The following AUTS2 variants were observed in gnomAD, a reference collection of about 807,000 sequenced individuals.
AUTS2 encodes activator of transcription and developmental regulator AUTS2, also known as autism susceptibility gene 2 protein.
A neutral mutation model predicts 112.4 loss-of-function variants in AUTS2; 17 were observed. That is an observed-to-expected ratio of 0.15 (90% confidence interval 0.10 to 0.23). The LOEUF is 0.23. Among genes scored for constraint, AUTS2 ranks in the 10% least tolerant of loss-of-function variants. AUTS2 has a pLI of 1.00. For missense variants in AUTS2, 1,510 were observed against 1,701.6 expected, an observed-to-expected ratio of 0.89 and a Z score of 1.98; for synonymous variants, 751 against 702.7, an observed-to-expected ratio of 1.07 and a Z score of -1.09.
At chr7:70,525,213 G>A (rs1241009009) in intron 5 of AUTS2, among the ~76,000 whole-genome samples, 1 of 152,162 alleles carries the variant, frequency 6.6e-6, no homozygotes, top group Non-Finnish European at 1.5e-5. Context: ...TTCTGCTAGT[G>A]GAAGATTTTC....
chr7:70,486,856 T>C (rs1169122039), intron 5 of AUTS2, among the ~76,000 whole-genome samples: 1 of 150,980 alleles, frequency 6.6e-6, no homozygotes, highest in Non-Finnish European at 1.5e-5. Flanking sequence ...GTAGTGGTGG[T>C]AGTGGTCCTT....
chr7:69,720,140 A>T lies in AUTS2; in HGVS notation c.309+120178A>T, dbSNP rs1211522034. ...ATGTGTGTAAGAAAATGGAAAGCTG[A>T]TGGGTTGGCTACCTGAACAATTATG... On this transcript the variant is annotated intron_variant, in intron 1 of 18. Coordinates refer to ENST00000342771, the MANE Select transcript of AUTS2 (RefSeq NM_015570.4). 5.3e-5 allele frequency among the ~76,000 whole-genome samples: 8 copies of T among 152,190 alleles called. No homozygotes were observed. The East Asian group carries it at 1.5e-3, about 29-fold the overall frequency.
At chr7:69,805,530 A>G (rs1790263991) in intron 1 of AUTS2, among the ~76,000 whole-genome samples, 1 of 152,234 alleles carries the variant, frequency 6.6e-6, no homozygotes, top group Admixed American at 6.5e-5. Flanking sequence ...TGACTATAAA[A>G]AAGAACCAAA....
chr7:69,741,929 A>G (rs2129248222), intron 1 of AUTS2, among the ~76,000 whole-genome samples: 1 of 151,796 alleles, frequency 6.6e-6, no homozygotes, highest in South Asian at 2.1e-4. Context: ...TTAGCCTCCT[A>G]AGTATTAGGC....
At chr7:69,799,969 G>C (rs1485738047) in intron 1 of AUTS2, among the ~76,000 whole-genome samples, 1 of 152,122 alleles carries the variant, frequency 6.6e-6, no homozygotes, top group African/African-American at 2.4e-5. Context: ...TAAAGATAAT[G>C]AAGAACTAGC....
rs12674198 is a variant in AUTS2 at position 70,580,884 on chromosome 7, C to T, written c.691-117685C>T. ...ATGTATTTAAAGTTTTGTTTGTGTG[C>T]TTGTGCATTTGCCTCAGAAGATGGT... On this transcript the variant is annotated intron_variant, in intron 5 of 18. Coordinates refer to ENST00000342771, the MANE Select transcript of AUTS2 (RefSeq NM_015570.4). 2.7e-3 allele frequency among the ~76,000 whole-genome samples: 416 copies of T among 152,218 alleles called. 18 individuals are homozygous for T. The East Asian group carries it at 0.076, about 28-fold the overall frequency.
At chr7:70,355,070 G>T (rs1450561502) in intron 4 of AUTS2, among the ~76,000 whole-genome samples, 1 of 150,710 alleles carries the variant, frequency 6.6e-6, no homozygotes, top group Non-Finnish European at 1.5e-5. Context: ...GTATGGGTGT[G>T]TGTGTATATA....
Position 70,351,593 on chromosome 7 carries a change from A to G in AUTS2, c.661-84159A>G, listed in dbSNP as rs536321963. 1.8e-4 allele frequency among the ~76,000 whole-genome samples: 28 copies of G among 152,330 alleles called. 1 individual carries two copies. Among genetic ancestry groups the G allele is most frequent in the African/African-American group, 5.3e-4 (22 of 41,576 alleles). On this transcript the variant is annotated intron_variant, in intron 4 of 18. Coordinates refer to ENST00000342771, the MANE Select transcript of AUTS2 (RefSeq NM_015570.4). ...ATTTTTAAATTTTGGTGGGGTCTTC[A>G]TACTGGTTTTCACAATAGCTATACC...
intron 1 of AUTS2, among the ~76,000 whole-genome samples, chr7:69,766,242 C>A (rs77074586): frequency 0.018 from 2,698 of 152,178 alleles, 93 homozygotes; most frequent in African/African-American, 0.062. Flanking sequence ...CTTAACATAC[C>A]CTCAAGGTTC....
intron 1 of AUTS2, among the ~76,000 whole-genome samples, chr7:69,649,304 A>G (rs938276931): frequency 1.3e-5 from 2 of 152,204 alleles, no homozygotes; most frequent in Non-Finnish European, 2.9e-5. Context: ...GCATCCAGCA[A>G]ACTGCATTGG....
At chr7:70,511,154 T>C (rs1799167821) in intron 5 of AUTS2, among the ~76,000 whole-genome samples, 1 of 152,124 alleles carries the variant, frequency 6.6e-6, no homozygotes, top group South Asian at 2.1e-4. Flanking sequence ...CGGCCTTTAA[T>C]TTTTAATTAG....
At chr7:70,639,760 C>T (rs563698094) in intron 5 of AUTS2, among the ~76,000 whole-genome samples, 2 of 151,576 alleles carry the variant, frequency 1.3e-5, no homozygotes, top group East Asian at 3.9e-4. Context: ...AGGGAGTAAA[C>T]CCCTCCATTT....
chr7:69,790,372 T>A (rs1224005506), intron 1 of AUTS2, among the ~76,000 whole-genome samples: 1 of 152,130 alleles, frequency 6.6e-6, no homozygotes, highest in Non-Finnish European at 1.5e-5. Flanking sequence ...TGAATACACA[T>A]TATGGAGGAT....
chr7:69,875,337 T>A (rs1793683794), intron 1 of AUTS2, among the ~76,000 whole-genome samples: 1 of 152,220 alleles, frequency 6.6e-6, no homozygotes, highest in South Asian at 2.1e-4. Context: ...CTGAAGATAA[T>A]TGAGAAAAAG....
intron 4 of AUTS2, among the ~76,000 whole-genome samples, chr7:70,147,585 A>G (rs1468288695): frequency 6.6e-6 from 1 of 152,150 alleles, no homozygotes; most frequent in African/African-American, 2.4e-5. Context: ...TCCTTGAAGC[A>G]CATGTTTTCC....
intron 1 of AUTS2, among the ~76,000 whole-genome samples, chr7:69,822,000 G>A (rs1324874558): frequency 3.9e-5 from 6 of 151,962 alleles, no homozygotes; most frequent in Admixed American, 6.5e-5. Context: ...ATTGAGCAGG[G>A]AAGTAACAAG....
Position 69,952,299 on chromosome 7 carries a change from A to G in AUTS2, c.522+52801A>G, listed in dbSNP as rs187423083. On this transcript the variant is annotated intron_variant, in intron 2 of 18. Transcript: ENST00000342771. ...ACCAAATGAAAGTAATTAATGCTGAACATTCACTAAATTATTAAGATGTTA... is the reference window on the plus strand; with the variant it reads ...ACCAAATGAAAGTAATTAATGCTGAGCATTCACTAAATTATTAAGATGTTA... 5.3e-3 allele frequency among the ~76,000 whole-genome samples: 805 copies of G among 152,282 alleles called. 14 individuals are homozygous for G. Among genetic ancestry groups the G allele is most frequent in the African/African-American group, 0.018 (751 of 41,546 alleles).
intron 4 of AUTS2, among the ~76,000 whole-genome samples, chr7:70,245,166 AT>A (rs35403987): frequency 4.2e-4 from 58 of 139,726 alleles, no homozygotes; most frequent in South Asian, 1.4e-3. Flanking sequence ...ATATATATAT[AT>A]ATAAAAAATA....
At chr7:69,809,190 T>C (rs927325881) in intron 1 of AUTS2, among the ~76,000 whole-genome samples, 10 of 152,126 alleles carry the variant, frequency 6.6e-5, no homozygotes, top group Non-Finnish European at 1.3e-4. Context: ...TTCTCCTGCC[T>C]CAGCCTCCCC....
Sources: gnomAD v4.1 joint callset for allele counts (sites outside exome capture counted in the v4.1 genomes callset) on GRCh38, gnomAD v4.1.1 for gene constraint, MANE v1.5 for transcripts, NCBI Gene and HGNC (gene_info 2026-07-23, HGNC 2026-07-21) for gene names.